Variants in DST observed in about 807,000 individuals in gnomAD.
DST encodes bullous pemphigoid antigen.
DST carries 253 observed loss-of-function variants against 875.2 expected under a neutral mutation model. That is an observed-to-expected ratio of 0.29 (90% CI 0.26 to 0.32). The LOEUF is 0.32. DST is among the 10% of genes least tolerant of loss of function. DST has a pLI of 1.00. For missense variants in DST, 8,287 were observed against 9,111.6 expected (o/e 0.91, Z 3.68); for synonymous variants, 3,124 against 3,197.1 (o/e 0.98, Z 0.77).
chr6:56,609,316 T>A lies in DST; in HGVS notation c.5312A>T (p.Asp1771Val), dbSNP rs564768186. 1.9e-5 allele frequency: 31 copies of A among 1,610,568 alleles called. 1 individual carries two copies. In the Admixed American group the frequency reaches 4.9e-4, roughly 25 times the overall value. The change falls in exon 40 of 104, where the codon GAT (aspartate) becomes GTT (valine). Residue 1771 changes from aspartate (D) to valine (V), a missense_variant. Physicochemically the swap from Asp to Val is radical, Grantham distance 152. Transcript: ENST00000680361. ...KLDKVIAGTI[D>V]QTTGEVLSVF... ...TGAAAGGACTTCTCCAGTTGTCTGA[T>A]CAATGGTGCCTGCAATCACTTTATC...
chr6:56,639,935 G>C lies in DST; in HGVS notation c.2613C>G (p.Ile871Met), dbSNP rs775068612. The change falls in exon 19 of 104, where the codon ATC (isoleucine) becomes ATG (methionine). Residue 871 changes from isoleucine to methionine, a missense_variant. This residue lies in a region of DST where 1,160 missense variants were observed against 1,424.3 expected (regional missense o/e 0.81). Transcript: ENST00000680361. Reference protein sequence around the residue: ...EFESSLKEAKISEIQMTAPLK... With the variant: ...EFESSLKEAKMSEIQMTAPLK... ...AAATTTTAAATTCACATACCTCACT[G>C]ATTTTAGCTTCTTTGAGACTAGATT... 6.2e-7 allele frequency: 1 copy of C among 1,612,062 alleles called. No individual in the cohort carries two copies. Among genetic ancestry groups the C allele is most frequent in the South Asian group, 1.1e-5 (1 of 90,962 alleles).
chr6:56,903,947 G>C (rs1297990680), intron 2 of DST, among the ~76,000 whole-genome samples: 1 of 152,110 alleles, frequency 6.6e-6, no homozygotes, highest in South Asian at 2.1e-4. Context: ...CACTATCTGG[G>C]TTCTAATACT....
At chr6:56,754,906 T>G (rs4518498) in intron 4 of DST, among the ~76,000 whole-genome samples, 2,000 of 152,240 alleles carry the variant, frequency 0.013, 49 homozygotes, top group African/African-American at 0.045. Flanking sequence ...TAGGTACTCT[T>G]CAGAATCAGA....
chr6:56,458,912 G>T lies in DST; in HGVS notation c.*93C>A. Reference sequence around the variant, plus strand: ...CTGCAGAATTTTAAACTCGCCTCTTGCAATATTTCACAAGAATTTCTACAC... The same window carrying T: ...CTGCAGAATTTTAAACTCGCCTCTTTCAATATTTCACAAGAATTTCTACAC... On this transcript the variant is annotated 3_prime_UTR_variant, in exon 104 of 104. Coordinates refer to ENST00000680361, the MANE Select transcript of DST (RefSeq NM_001374736.1). The T allele has an allele frequency of 7.6e-7, 1 of 1,319,734 alleles. No homozygotes were observed. The highest frequency in any genetic ancestry group is 1.0e-6 in the Non-Finnish European group (1 of 994,754). The allele number at this position is 1,319,734 out of a possible 1,614,324, so 81.8% of individuals were successfully genotyped here. A position where few individuals can be genotyped will look rare whatever the true frequency, so the allele number is the denominator to read the frequency against.
intron 48 of DST, among the ~76,000 whole-genome samples, 157 bp from the exon 49 acceptor site, chr6:56,592,515 T>C (rs1178369718): frequency 1.3e-5 from 2 of 152,196 alleles, no homozygotes; most frequent in African/African-American, 2.4e-5. Flanking sequence ...TCCTCCTTTA[T>C]ATGAAGAGGT....
intron 69 of DST, 64 bp from the exon 70 acceptor site, chr6:56,517,684 T>TA: frequency 6.6e-7 from 1 of 1,525,578 alleles, no homozygotes; most frequent in Non-Finnish European, 8.8e-7. Context: ...AATACCTATC[T>TA]ACAGTTCTTT....
intron 9 of DST, among the ~76,000 whole-genome samples, chr6:56,697,971 T>C (rs2099273069): frequency 6.6e-6 from 1 of 152,004 alleles, no homozygotes; most frequent in South Asian, 2.1e-4. Context: ...TTGCCTTCAC[T>C]TAGGTTCAAT....
chr6:56,783,922 G>A (rs952242700), intron 4 of DST, among the ~76,000 whole-genome samples: 1 of 152,042 alleles, frequency 6.6e-6, no homozygotes, highest in African/African-American at 2.4e-5. Flanking sequence ...CAGGCCTGGT[G>A]GTGACAAAAT....
At chr6:56,677,199 A>C (rs1453686910) in intron 9 of DST, among the ~76,000 whole-genome samples, 1 of 152,214 alleles carries the variant, frequency 6.6e-6, no homozygotes, top group Non-Finnish European at 1.5e-5. Context: ...AAAAACAGTC[A>C]TATCAAGTGC....
intron 80 of DST, among the ~76,000 whole-genome samples, chr6:56,499,847 C>T (rs2096061417): frequency 6.6e-6 from 1 of 152,052 alleles, no homozygotes; most frequent in Non-Finnish European, 1.5e-5. Flanking sequence ...AAACTCACAC[C>T]ATGAGAATAA....
At chr6:56,490,102 C>A (rs964896002) in intron 85 of DST, among the ~76,000 whole-genome samples, 1 of 151,874 alleles carries the variant, frequency 6.6e-6, no homozygotes, top group African/African-American at 2.4e-5. Flanking sequence ...GTAGCAAAAA[C>A]AAAAAAGAGG....
chr6:56,628,408 C>T (rs949500544), intron 32 of DST, among the ~76,000 whole-genome samples: 4 of 152,140 alleles, frequency 2.6e-5, no homozygotes, highest in African/African-American at 9.7e-5. Context: ...TAGGGACAAG[C>T]CCAAGAAGCT....
intron 51 of DST, among the ~76,000 whole-genome samples, chr6:56,573,350 T>C (rs1201905985): frequency 6.6e-6 from 1 of 152,202 alleles, no homozygotes; most frequent in Non-Finnish European, 1.5e-5. Flanking sequence ...GCCATGGTCC[T>C]AATTCTTAAA....
intron 2 of DST, among the ~76,000 whole-genome samples, chr6:56,928,354 C>T (rs1221486038): frequency 6.6e-6 from 1 of 152,040 alleles, no homozygotes; most frequent in African/African-American, 2.4e-5. Context: ...TTGACGCAGC[C>T]CACTGTGCTA....
At chr6:56,553,891 G>A (rs2097359471) in intron 60 of DST, among the ~76,000 whole-genome samples, 1 of 152,018 alleles carries the variant, frequency 6.6e-6, no homozygotes, top group Non-Finnish European at 1.5e-5. Context: ...GATGAGAGGG[G>A]AAAACAAAGA....
chr6:56,535,085 T>C lies in DST; in HGVS notation c.16941+37A>G, dbSNP rs775886945. ...CATTTTTTCTCTTGTTATTAAGATT[T>C]AATATGAAACGCAATACAAAAGCAT... On this transcript the variant is annotated intron_variant, in intron 63 of 103. Coordinates refer to ENST00000680361, the MANE Select transcript of DST (RefSeq NM_001374736.1). 3 of 1,602,962 alleles carry C rather than the reference T, an allele frequency of 1.9e-6. No homozygotes were observed. The African/African-American group carries it at 4.0e-5, about 22-fold the overall frequency.
chr6:56,716,651 G>C (rs2099395604), intron 5 of DST, among the ~76,000 whole-genome samples: 1 of 152,136 alleles, frequency 6.6e-6, no homozygotes. Flanking sequence ...GAAAATTATG[G>C]TAGTGAAAGA....
chr6:56,749,315 C>G (rs11962561), intron 4 of DST, among the ~76,000 whole-genome samples: 34 of 152,168 alleles, frequency 2.2e-4, no homozygotes, highest in African/African-American at 8.2e-4. Context: ...GATTGGGCCA[C>G]TGCACTCCAG....
At chr6:56,815,952 AATG>A (rs2099765992) in intron 4 of DST, among the ~76,000 whole-genome samples, 1 of 152,188 alleles carries the variant, frequency 6.6e-6, no homozygotes, top group Admixed American at 6.5e-5. Flanking sequence ...CTGATAACAA[AATG>A]ATGAAAGATC....
Sources: allele counts gnomAD v4.1 joint callset (sites outside exome capture counted in the v4.1 genomes callset), GRCh38; gene constraint gnomAD v4.1.1; regional missense constraint gnomAD v4.1.1; transcripts MANE v1.5; gene names NCBI Gene and HGNC (gene_info 2026-07-23, HGNC 2026-07-21).